ROBO2: variants seen among roughly 807,000 people sequenced by gnomAD.
The protein encoded by ROBO2 is roundabout homolog 2.
Under a neutral mutation model 160.8 loss-of-function variants are expected in ROBO2, and 53 were observed. The ratio of observed to expected loss-of-function variants is 0.33; its 90% CI spans 0.26 to 0.41. The LOEUF is 0.41. Among genes scored for constraint, ROBO2 ranks in the 10% least tolerant of loss-of-function variants. The probability of loss-of-function intolerance (pLI) is 1.00; values close to 1 mark genes in which losing one functional copy is unlikely to be tolerated. For missense variants in ROBO2, 1,577 were observed against 1,722.4 expected, an observed-to-expected ratio of 0.92 and a Z score of 1.49; for synonymous variants, 664 against 611.7, an observed-to-expected ratio of 1.09 and a Z score of -1.26.
chr3:76,183,488 C>G (rs572702492), intron 2 of ROBO2, among the ~76,000 whole-genome samples: 38 of 152,070 alleles, frequency 2.5e-4, no homozygotes, highest in Non-Finnish European at 4.7e-4. Context: ...ACTATAGTAG[C>G]AGAGTGGGTC....
At chr3:76,705,355 TAAC>T (rs1015314805) in intron 2 of ROBO2, among the ~76,000 whole-genome samples, 2 of 152,140 alleles carry the variant, frequency 1.3e-5, no homozygotes, top group African/African-American at 4.8e-5. Context: ...AGTCTATCAT[TAAC>T]AAGATTTTAA....
chr3:77,120,579 G>T (rs943622152), intron 2 of ROBO2, among the ~76,000 whole-genome samples: 1 of 152,134 alleles, frequency 6.6e-6, no homozygotes, highest in Non-Finnish European at 1.5e-5. Flanking sequence ...GCCTGACGTC[G>T]TTATGCTCAT....
At chr3:77,328,336 C>A (rs539574686) in intron 2 of ROBO2, among the ~76,000 whole-genome samples, 1 of 152,048 alleles carries the variant, frequency 6.6e-6, no homozygotes, top group Non-Finnish European at 1.5e-5. Flanking sequence ...AAATTGTGAA[C>A]GGAATTATAT....
intron 2 of ROBO2, among the ~76,000 whole-genome samples, chr3:76,779,851 A>G (rs531604844): frequency 2.6e-5 from 4 of 151,190 alleles, no homozygotes; most frequent in South Asian, 4.1e-4. Flanking sequence ...ATAATGCTAC[A>G]TGAAACTGGA....
At chr3:77,386,479 C>T (rs1243938026) in intron 2 of ROBO2, among the ~76,000 whole-genome samples, 2 of 151,878 alleles carry the variant, frequency 1.3e-5, no homozygotes, top group African/African-American at 2.4e-5. Context: ...AACCTTGTAG[C>T]AGCATTTCTT....
At chr3:76,264,510 G>C (rs1169670582) in intron 2 of ROBO2, among the ~76,000 whole-genome samples, 1 of 151,928 alleles carries the variant, frequency 6.6e-6, no homozygotes, top group Non-Finnish European at 1.5e-5. Context: ...TTAAAATTAT[G>C]ATATATAAGG....
intron 2 of ROBO2, among the ~76,000 whole-genome samples, chr3:76,946,481 A>T (rs2078550992): frequency 6.6e-6 from 1 of 152,092 alleles, no homozygotes; most frequent in Non-Finnish European, 1.5e-5. Context: ...TCTGTCGCCC[A>T]GGCTGGAGTG....
chr3:76,634,282 C>T (rs2090190672), intron 2 of ROBO2, among the ~76,000 whole-genome samples: 1 of 152,128 alleles, frequency 6.6e-6, no homozygotes, highest in African/African-American at 2.4e-5. Flanking sequence ...CTTAAAAGGA[C>T]ATCAGGCTGG....
chr3:77,289,033 G>A (rs62249748), intron 2 of ROBO2, among the ~76,000 whole-genome samples: 12 of 152,142 alleles, frequency 7.9e-5, no homozygotes, highest in Non-Finnish European at 1.8e-4. Context: ...GTTTCTGTGT[G>A]TTTGTTCCTG....
At chr3:76,759,867 C>T (rs2061201711) in intron 2 of ROBO2, among the ~76,000 whole-genome samples, 1 of 151,792 alleles carries the variant, frequency 6.6e-6, no homozygotes, top group South Asian at 2.1e-4. Context: ...TTCACAGCAG[C>T]GGCTCCGCGA....
chr3:76,798,892 A>AAACAACAACAACAACAAC (rs60526472), intron 2 of ROBO2, among the ~76,000 whole-genome samples: 60 of 150,130 alleles, frequency 4.0e-4, no homozygotes, highest in African/African-American at 1.4e-3. Flanking sequence ...GACCTTTTCT[A>AAACAACAACAACAACAAC]AACAACAACA....
chr3:76,082,569 G>A lies in ROBO2; in HGVS notation c.109+144967G>A, dbSNP rs531892937. Among the ~76,000 whole-genome samples the A allele has an allele frequency of 6.9e-4, 105 of 152,202 alleles. 1 individual carries two copies. The highest frequency in any genetic ancestry group is 6.8e-3 in the Middle Eastern group (2 of 294). On this transcript the variant is annotated intron_variant, in intron 2 of 26. Transcript: ENST00000487694. ...CAGAGAGAGTGACAAGTTAGTAGAG[G>A]CCAGTAAGAGAGGAGGGAGTGACAA...
At chr3:76,022,785 A>G (rs1171972304) in intron 2 of ROBO2, among the ~76,000 whole-genome samples, 2 of 151,750 alleles carry the variant, frequency 1.3e-5, no homozygotes, top group Non-Finnish European at 3.0e-5. Context: ...ATTGGCTTCA[A>G]CTTCAATTTA....
chr3:76,791,235 C>G (rs1411172702), intron 2 of ROBO2, among the ~76,000 whole-genome samples: 1 of 151,588 alleles, frequency 6.6e-6, no homozygotes, highest in African/African-American at 2.4e-5. Context: ...GAGGACAGCT[C>G]AAAATAAATA....
intron 2 of ROBO2, among the ~76,000 whole-genome samples, chr3:77,377,277 C>T (rs2072818718): frequency 6.6e-6 from 1 of 152,174 alleles, no homozygotes; most frequent in South Asian, 2.1e-4. Context: ...CCTAGCCCAT[C>T]CATTGCTCTT....
chr3:76,767,234 T>C (rs936850429), intron 2 of ROBO2, among the ~76,000 whole-genome samples: 5 of 151,582 alleles, frequency 3.3e-5, no homozygotes, highest in Non-Finnish European at 7.4e-5. Context: ...AGCATGATAT[T>C]TTCAATTATC....
intron 2 of ROBO2, among the ~76,000 whole-genome samples, chr3:76,018,241 A>G (rs1278029610): frequency 6.6e-6 from 1 of 152,020 alleles, no homozygotes; most frequent in Non-Finnish European, 1.5e-5. Context: ...ACTAAGTAAA[A>G]CATGGTGAAT....
At chr3:76,600,123 C>T (rs2087025487) in intron 2 of ROBO2, among the ~76,000 whole-genome samples, 1 of 152,128 alleles carries the variant, frequency 6.6e-6, no homozygotes. Context: ...TTGCCCATTC[C>T]TATGTACAGA....
At chr3:75,929,701 CT>C (rs200602336) in intron 1 of ROBO2, among the ~76,000 whole-genome samples, 40 of 146,946 alleles carry the variant, frequency 2.7e-4, no homozygotes, top group South Asian at 6.5e-4. Flanking sequence ...GCACTCTTGT[CT>C]TTTTTTTTTT....
Sources: gnomAD v4.1 joint callset for allele counts (sites outside exome capture counted in the v4.1 genomes callset) on GRCh38, gnomAD v4.1.1 for gene constraint, MANE v1.5 for transcripts, NCBI Gene and HGNC (gene_info 2026-07-23, HGNC 2026-07-21) for gene names.